COL4A3: variants seen among roughly 807,000 people sequenced by gnomAD.
COL4A3 encodes the protein collagen alpha-3(IV) chain.
COL4A3 carries 135 observed loss-of-function variants against 217.4 expected under a neutral mutation model. The observed-to-expected ratio is 0.62, with a 90% CI of 0.54 to 0.72. The LOEUF is 0.72. Among genes scored for constraint, COL4A3 ranks in the 30% least tolerant of loss-of-function variants. The pLI, the probability that COL4A3 is intolerant of heterozygous loss-of-function variation, is 0.00. For missense variants in COL4A3, 1,868 were observed against 2,119.9 expected, an observed-to-expected ratio of 0.88 and a Z score of 2.33; for synonymous variants, 690 against 736.3, an observed-to-expected ratio of 0.94 and a Z score of 1.02.
At position 227,220,110 on chromosome 2, in the gene COL4A3, A is replaced by T. The variant is rs560112646; in HGVS notation, c.88-17858A>T. ...AATGATTCTTCCATTAATGGACCAG[A>T]GCTTCTTGTTTAATAAGGCGGTTTT... On this transcript the variant is annotated intron_variant, in intron 1 of 51. Coordinates refer to ENST00000396578, the MANE Select transcript of COL4A3 (RefSeq NM_000091.5). Among the ~76,000 whole-genome samples, 4 of 146,708 alleles carry T rather than the reference A, an allele frequency of 2.7e-5. No homozygotes were observed. In the East Asian group the frequency reaches 8.5e-4, roughly 31 times the overall value.
intron 1 of COL4A3, among the ~76,000 whole-genome samples, chr2:227,176,774 G>T (rs2065688957): frequency 1.3e-5 from 2 of 152,166 alleles, no homozygotes; most frequent in African/African-American, 4.8e-5. Context: ...TGGCAAATCT[G>T]CAATATTCTT....
chr2:227,222,773 G>A (rs2067882382), intron 1 of COL4A3, among the ~76,000 whole-genome samples: 1 of 152,076 alleles, frequency 6.6e-6, no homozygotes, highest in Non-Finnish European at 1.5e-5. Context: ...ATGTGGAAAA[G>A]CACAGGAATA....
At chr2:227,297,351 T>G (rs1482801430) in intron 41 of COL4A3, among the ~76,000 whole-genome samples, 2 of 152,222 alleles carry the variant, frequency 1.3e-5, no homozygotes, top group Non-Finnish European at 2.9e-5. Flanking sequence ...CTGTATGTTA[T>G]CTCACTTGAT....
intron 1 of COL4A3, among the ~76,000 whole-genome samples, chr2:227,209,324 C>T (rs1322436769): frequency 6.6e-6 from 1 of 152,240 alleles, no homozygotes; most frequent in Non-Finnish European, 1.5e-5. Context: ...GCTCCCTTCA[C>T]TCCAGCCAGA....
intron 1 of COL4A3, among the ~76,000 whole-genome samples, chr2:227,171,535 C>T (rs1337863390): frequency 6.6e-6 from 1 of 152,128 alleles, no homozygotes; most frequent in African/African-American, 2.4e-5. Flanking sequence ...TGGAATGAAG[C>T]TGTTGGCGTC....
At chr2:227,277,115 C>T (rs774675586) in intron 27 of COL4A3, among the ~76,000 whole-genome samples, 5 of 151,954 alleles carry the variant, frequency 3.3e-5, no homozygotes, top group South Asian at 2.1e-4. Context: ...GTCAGGAGTT[C>T]GAGACCAGTC....
At chr2:227,311,469 TC>T (rs1292639038) in intron 51 of COL4A3, among the ~76,000 whole-genome samples, 24 of 152,084 alleles carry the variant, frequency 1.6e-4, no homozygotes, top group African/African-American at 5.5e-4. Flanking sequence ...AACCTCCACT[TC>T]CCAGGTTTAA....
At chr2:227,183,562 T>TC (rs2065924366) in intron 1 of COL4A3, among the ~76,000 whole-genome samples, 1 of 152,082 alleles carries the variant, frequency 6.6e-6, no homozygotes, top group African/African-American at 2.4e-5. Context: ...GAAGATTGAC[T>TC]CAAACTTGGT....
At chr2:227,272,381 T>A (rs2071294512) in intron 25 of COL4A3, among the ~76,000 whole-genome samples, 1 of 152,136 alleles carries the variant, frequency 6.6e-6, no homozygotes, top group African/African-American at 2.4e-5. Context: ...AAAAATTGAG[T>A]CAAATTTATT....
chr2:227,303,215 A>T, intron 44 of COL4A3, 105 bp downstream of exon 44: 1 of 903,526 alleles, frequency 1.1e-6, no homozygotes, highest in South Asian at 1.3e-5. Context: ...GGGTTAGTAC[A>T]AATAGGACCT....
At chr2:227,246,196 A>T (rs2069329000) in intron 6 of COL4A3, 180 bp downstream of exon 6, 1 of 652,754 alleles carries the variant, frequency 1.5e-6, no homozygotes, top group African/African-American at 1.8e-5. Context: ...CTTGCTTTCT[A>T]ATTGTCTTTT....
chr2:227,166,111 C>T (rs140212257), intron 1 of COL4A3, among the ~76,000 whole-genome samples: 67 of 152,322 alleles, frequency 4.4e-4, no homozygotes, highest in African/African-American at 1.6e-3. Flanking sequence ...CTTTGTTGCA[C>T]AGTATTTCAC....
At position 227,192,907 on chromosome 2, in the gene COL4A3, A is replaced by T. The variant is rs559423532; in HGVS notation, c.87+28094A>T. On this transcript the variant is annotated intron_variant, in intron 1 of 51. Transcript: ENST00000396578. ...CTTTCTTAAAATATAAGAATAAAAA[A>T]TTAAAAGAAAATGAAATTAAAAGAT... 2.7e-3 allele frequency among the ~76,000 whole-genome samples: 410 copies of T among 152,364 alleles called. 4 individuals carry two copies. Among genetic ancestry groups the T allele is most frequent in the African/African-American group, 9.5e-3 (397 of 41,582 alleles).
intron 1 of COL4A3, among the ~76,000 whole-genome samples, chr2:227,204,364 A>AT (rs916421720): frequency 1.3e-5 from 2 of 151,602 alleles, no homozygotes; most frequent in Non-Finnish European, 2.9e-5. Context: ...ATTTCCTTCT[A>AT]TTTTTTTCTC....
intron 4 of COL4A3, chr2:227,244,707 C>T (rs1312327412): frequency 1.8e-5 from 12 of 672,674 alleles, no homozygotes; most frequent in Non-Finnish European, 2.9e-5. Flanking sequence ...GCAAATTGTA[C>T]CTTAGGAATC....
At chr2:227,294,147 C>A (rs759583281) in intron 38 of COL4A3, 5 of 306,012 alleles carry the variant, frequency 1.6e-5, no homozygotes, top group Non-Finnish European at 3.1e-5. Flanking sequence ...GTGAAACTAT[C>A]GGGTTGCAGA....
At chr2:227,258,865 C>T (rs2070364377) in intron 18 of COL4A3, among the ~76,000 whole-genome samples, 1 of 152,162 alleles carries the variant, frequency 6.6e-6, no homozygotes, top group Admixed American at 6.5e-5. Flanking sequence ...CATATCATTA[C>T]AGATTTCATG....
intron 1 of COL4A3, among the ~76,000 whole-genome samples, chr2:227,199,357 C>G (rs891547562): frequency 1.3e-5 from 2 of 152,308 alleles, no homozygotes; most frequent in Non-Finnish European, 2.9e-5. Flanking sequence ...GCAATCTTTA[C>G]CTCTGAAAAT....
Position 227,312,728 on chromosome 2 carries a change from A to C in COL4A3, c.*858A>C, listed in dbSNP as rs376204548. The C allele has an allele frequency of 3.9e-5, 6 of 152,670 alleles. No individual in the cohort carries two copies. In the East Asian group the frequency reaches 5.8e-4, roughly 15 times the overall value. 9.5% of individuals were successfully genotyped at this position (152,670 alleles called of 1,614,324 possible). ...CACACAAATAACAAGAATACTACTT[A>C]TGAAATGTGCACTTTATCCTCATTC... On this transcript the variant is annotated 3_prime_UTR_variant, in exon 52 of 52. Coordinates refer to ENST00000396578, the MANE Select transcript of COL4A3 (RefSeq NM_000091.5).
Sources: allele counts gnomAD v4.1 joint callset (sites outside exome capture counted in the v4.1 genomes callset), GRCh38; gene constraint gnomAD v4.1.1; transcripts MANE v1.5; gene names NCBI Gene and HGNC (gene_info 2026-07-23, HGNC 2026-07-21).